CENPP: variants seen among roughly 807,000 people sequenced by gnomAD.
The protein encoded by CENPP is centromere protein P.
In CENPP, 24 loss-of-function variants were observed where a neutral mutation model predicts 35.6. The ratio of observed to expected loss-of-function variants is 0.67; its 90% CI spans 0.49 to 0.95. The LOEUF (loss-of-function observed/expected upper bound fraction) is 0.95, where lower values mean the gene tolerates loss of function less well. Among genes scored for constraint, CENPP ranks in the 40% least tolerant of loss-of-function variants. CENPP has a pLI of 0.00. For synonymous variants in CENPP, 120 were observed against 125.5 expected, an observed-to-expected ratio of 0.96 and a Z score of 0.29; for missense variants, 332 against 345.3, an observed-to-expected ratio of 0.96 and a Z score of 0.31.
At chr9:92,567,389 T>TATATATATATATATATATATATATATAG (rs1564005567) in intron 5 of CENPP, among the ~76,000 whole-genome samples, 4 of 98,042 alleles carry the variant, frequency 4.1e-5, no homozygotes, top group Non-Finnish European at 8.1e-5. Context: ...TATATATATA[T>TATATATATATATATATATATATATATAG]ATATATAGAT....
At chr9:92,438,615 T>C (rs1844303915) in intron 5 of CENPP, among the ~76,000 whole-genome samples, 1 of 152,262 alleles carries the variant, frequency 6.6e-6, no homozygotes, top group South Asian at 2.1e-4. Context: ...TTATTAAGAT[T>C]TCATAATGAT....
chr9:92,389,342 C>T (rs745998244), intron 5 of CENPP, among the ~76,000 whole-genome samples: 1 of 152,088 alleles, frequency 6.6e-6, no homozygotes, highest in African/African-American at 2.4e-5. Flanking sequence ...TTAATTCTTA[C>T]TACATATAAA....
Position 92,359,491 on chromosome 9 carries a change from G to A in CENPP, c.467+13704G>A, listed in dbSNP as rs1476198126. 5.3e-5 allele frequency among the ~76,000 whole-genome samples: 8 copies of A among 152,186 alleles called. No individual in the cohort carries two copies. In the East Asian group the frequency reaches 1.5e-3, roughly 29 times the overall value. ...GTCTTCTCAGTTTGTTTCTGGGCTT[G>A]AAGCTTTCCATGGGTATGTGCAATC... On this transcript the variant is annotated intron_variant, in intron 4 of 7. Coordinates refer to ENST00000375587, the MANE Select transcript of CENPP (RefSeq NM_001012267.3).
intron 5 of CENPP, among the ~76,000 whole-genome samples, chr9:92,395,349 C>G (rs1450064784): frequency 1.3e-5 from 2 of 152,126 alleles, no homozygotes; most frequent in Non-Finnish European, 2.9e-5. Flanking sequence ...GATTTTCAAT[C>G]TTTATCAGTA....
intron 4 of CENPP, among the ~76,000 whole-genome samples, chr9:92,376,461 G>A (rs1027135583): frequency 6.6e-6 from 1 of 152,132 alleles, no homozygotes; most frequent in Admixed American, 6.5e-5. Context: ...GGTTAAGAGT[G>A]GATATTTAAT....
At chr9:92,523,040 C>A in intron 5 of CENPP, 4 of 789,100 alleles carry the variant, frequency 5.1e-6, no homozygotes, top group Non-Finnish European at 5.6e-6. Flanking sequence ...GTATTATTGC[C>A]AAATCATAAT....
chr9:92,341,432 C>T (rs1287165144), intron 3 of CENPP, among the ~76,000 whole-genome samples: 4 of 152,160 alleles, frequency 2.6e-5, no homozygotes, highest in African/African-American at 9.7e-5. Flanking sequence ...CGTGGGGCAT[C>T]ACGGATCCTA....
At chr9:92,436,747 T>A (rs901099853) in intron 5 of CENPP, among the ~76,000 whole-genome samples, 15 of 152,258 alleles carry the variant, frequency 9.9e-5, no homozygotes, top group Non-Finnish European at 1.5e-4. Context: ...TACGTCTGTC[T>A]TCCTGACAAC....
At chr9:92,421,289 C>G (rs918115954) in intron 5 of CENPP, among the ~76,000 whole-genome samples, 11 of 152,202 alleles carry the variant, frequency 7.2e-5, no homozygotes, top group South Asian at 2.1e-4. Flanking sequence ...GTCTGCCCCC[C>G]TCAGCCTCCC....
intron 5 of CENPP, chr9:92,517,695 G>A (rs368912147): frequency 3.1e-6 from 5 of 1,613,986 alleles, no homozygotes; most frequent in Non-Finnish European, 4.2e-6. Context: ...ACCAGTAGCG[G>A]AGCAGACCGG....
intron 4 of CENPP, among the ~76,000 whole-genome samples, chr9:92,379,307 G>C (rs1450872209): frequency 6.6e-6 from 1 of 152,200 alleles, no homozygotes; most frequent in Non-Finnish European, 1.5e-5. Flanking sequence ...TGATGTGTTT[G>C]ATGTGTTTTC....
intron 4 of CENPP, among the ~76,000 whole-genome samples, chr9:92,371,978 G>T (rs1588068007): frequency 7.6e-6 from 1 of 131,082 alleles, no homozygotes; most frequent in African/African-American, 2.9e-5. Context: ...TGATTCTCCT[G>T]CCTCAGCTTC....
intron 5 of CENPP, among the ~76,000 whole-genome samples, chr9:92,398,201 TA>T (rs1307980438): frequency 5.9e-5 from 9 of 152,230 alleles, no homozygotes; most frequent in African/African-American, 1.9e-4. Flanking sequence ...ATGCTGTGTT[TA>T]ACAGTTACTT....
At chr9:92,534,718 G>A (rs1452258926) in intron 5 of CENPP, among the ~76,000 whole-genome samples, 8 of 152,194 alleles carry the variant, frequency 5.3e-5, no homozygotes, top group Non-Finnish European at 1.2e-4. Context: ...AACAACAGCA[G>A]GGGAAAGCAA....
At chr9:92,510,543 G>T (rs950082753) in intron 5 of CENPP, among the ~76,000 whole-genome samples, 3 of 152,230 alleles carry the variant, frequency 2.0e-5, no homozygotes, top group African/African-American at 7.2e-5. Flanking sequence ...AAGGACTACA[G>T]ATATCACAAG....
intron 5 of CENPP, among the ~76,000 whole-genome samples, chr9:92,604,916 T>C (rs1240228553): frequency 6.6e-6 from 1 of 152,122 alleles, no homozygotes; most frequent in Non-Finnish European, 1.5e-5. Context: ...TAAGAAATCT[T>C]TGGCTAACCC....
At chr9:92,604,096 G>A (rs1851004622) in intron 5 of CENPP, among the ~76,000 whole-genome samples, 1 of 152,168 alleles carries the variant, frequency 6.6e-6, no homozygotes, top group Non-Finnish European at 1.5e-5. Flanking sequence ...AGGGATTGCT[G>A]GATCACGTAG....
chr9:92,375,004 A>G (rs1564284421), intron 4 of CENPP, among the ~76,000 whole-genome samples: 1 of 152,182 alleles, frequency 6.6e-6, no homozygotes, highest in Non-Finnish European at 1.5e-5. Context: ...CAACAGATTT[A>G]CTATAATGTG....
chr9:92,567,373 G>GATATATATATATATAGATATAT (rs1849999538), intron 5 of CENPP, among the ~76,000 whole-genome samples: 1 of 129,088 alleles, frequency 7.7e-6, no homozygotes, highest in East Asian at 2.5e-4. Context: ...ACATAAGATA[G>GATATATATATATATAGATATAT]ATATATATAT....
Sources: allele counts gnomAD v4.1 joint callset (sites outside exome capture counted in the v4.1 genomes callset), GRCh38; gene constraint gnomAD v4.1.1; transcripts MANE v1.5; gene names NCBI Gene and HGNC (gene_info 2026-07-23, HGNC 2026-07-21).